The following PCDHA10 variants were observed in gnomAD, a reference collection of about 807,000 sequenced individuals.
The protein encoded by PCDHA10 is protocadherin alpha-10.
A neutral mutation model predicts 61.2 loss-of-function variants in PCDHA10; 45 were observed. The observed-to-expected ratio is 0.74, with a 90% CI of 0.58 to 0.94. The LOEUF (loss-of-function observed/expected upper bound fraction) is 0.94. Among genes scored for constraint, PCDHA10 ranks in the 40% least tolerant of loss-of-function variants. The pLI is 0.00. For synonymous variants in PCDHA10, 602 were observed against 548.8 expected (o/e 1.10, Z -1.35); for missense variants, 1,278 against 1,236.2 (o/e 1.03, Z -0.51).
chr5:140,939,171 T>C (rs2092330047), intron 1 of PCDHA10, among the ~76,000 whole-genome samples: 1 of 152,170 alleles, frequency 6.6e-6, no homozygotes. Flanking sequence ...TGTCTGGTAA[T>C]GGCCCACTCC....
At chr5:140,943,650 C>A (rs2093540673) in intron 1 of PCDHA10, among the ~76,000 whole-genome samples, 1 of 151,974 alleles carries the variant, frequency 6.6e-6, no homozygotes, top group African/African-American at 2.4e-5. Flanking sequence ...ATAAAACCAT[C>A]TATGAACAAT....
At chr5:140,994,939 C>T (rs1210134523) in intron 3 of PCDHA10, among the ~76,000 whole-genome samples, 5 of 152,160 alleles carry the variant, frequency 3.3e-5, no homozygotes, top group Non-Finnish European at 7.3e-5. Context: ...CTTAAACATC[C>T]TGCTAAATAA....
At chr5:140,977,925 A>G (rs782072280) in intron 1 of PCDHA10, among the ~76,000 whole-genome samples, 8 of 152,152 alleles carry the variant, frequency 5.3e-5, no homozygotes, top group Non-Finnish European at 1.0e-4. Flanking sequence ...TTTTCATTCA[A>G]CTATACCTCA....
chr5:140,909,493 G>A (rs989826667), intron 1 of PCDHA10, among the ~76,000 whole-genome samples: 2 of 152,184 alleles, frequency 1.3e-5, no homozygotes, highest in African/African-American at 4.8e-5. Context: ...AGAGCTGAAC[G>A]GGGATGTGGT....
chr5:140,966,515 G>A, intron 1 of PCDHA10: 1 of 436,996 alleles, frequency 2.3e-6, no homozygotes, highest in East Asian at 3.5e-5. Context: ...AGCAGCAGCA[G>A]GAAGCCGAGC....
intron 1 of PCDHA10, among the ~76,000 whole-genome samples, chr5:140,891,848 C>T (rs2063280221): frequency 6.6e-6 from 1 of 152,158 alleles, no homozygotes; most frequent in East Asian, 1.9e-4. Flanking sequence ...ATGGAAGGAG[C>T]CTGTCCCTCT....
intron 1 of PCDHA10, among the ~76,000 whole-genome samples, chr5:140,932,345 C>G (rs1332373274): frequency 6.6e-6 from 1 of 151,820 alleles, no homozygotes; most frequent in African/African-American, 2.4e-5. Context: ...AAACACTTAC[C>G]ATACAACTGG....
chr5:140,870,932 T>C (rs1428252254), intron 1 of PCDHA10: 1 of 1,613,824 alleles, frequency 6.2e-7, no homozygotes, highest in South Asian at 1.1e-5. Context: ...TCATATGAAT[T>C]GCAGCCGGCG....
chr5:140,892,250 T>G (rs781827855), intron 1 of PCDHA10, among the ~76,000 whole-genome samples: 2 of 152,182 alleles, frequency 1.3e-5, no homozygotes, highest in Non-Finnish European at 2.9e-5. Flanking sequence ...AACCTGGTTA[T>G]CTTTGATTTT....
At chr5:140,970,252 T>G (rs2096392828) in intron 1 of PCDHA10, among the ~76,000 whole-genome samples, 1 of 152,234 alleles carries the variant, frequency 6.6e-6, no homozygotes, top group South Asian at 2.1e-4. Flanking sequence ...GTTGACAGTT[T>G]CTATGGTTTT....
intron 1 of PCDHA10, among the ~76,000 whole-genome samples, chr5:140,899,434 A>G (rs1583342387): frequency 6.6e-6 from 1 of 152,206 alleles, no homozygotes; most frequent in East Asian, 1.9e-4. Flanking sequence ...TCTTTTCTGC[A>G]TCTATTGAGA....
rs1554149344 is a variant in PCDHA10, at chr5:140,856,961, G to C, written c.913G>C (p.Asp305His). 5.0e-6 allele frequency: 8 copies of C among 1,590,776 alleles called. 2 individuals carry two copies. The highest frequency in any genetic ancestry group is 3.4e-5 in the Admixed American group (2 of 59,226). ...AAGGACGGGAGAAATAAAAGTAAATGATGCTATTGACTTTGAGGACAGTAA... is the reference window on the plus strand; with the variant it reads ...AAGGACGGGAGAAATAAAAGTAAATCATGCTATTGACTTTGAGGACAGTAA... The part of the protein sequence containing the change: ...NERTGEIKVN[D>H]AIDFEDSNTY... Residue 305 changes from aspartate to histidine, a missense_variant, in exon 1 of 4, where the codon GAT becomes CAT. Physicochemically the swap from Asp to His is moderately conservative, Grantham distance 81. Transcript: ENST00000307360.
At chr5:140,956,719 T>C (rs2095305109) in intron 1 of PCDHA10, among the ~76,000 whole-genome samples, 1 of 152,216 alleles carries the variant, frequency 6.6e-6, no homozygotes, top group Non-Finnish European at 1.5e-5. Context: ...TCAGAAGAAT[T>C]GGTACCAGCT....
intron 1 of PCDHA10, among the ~76,000 whole-genome samples, chr5:140,957,103 A>G (rs1207553042): frequency 6.6e-6 from 1 of 152,168 alleles, no homozygotes; most frequent in Non-Finnish European, 1.5e-5. Flanking sequence ...ATTGCTATGG[A>G]CATGATTCTG....
At chr5:140,940,372 AGTT>A (rs2092600737) in intron 1 of PCDHA10, among the ~76,000 whole-genome samples, 1 of 151,970 alleles carries the variant, frequency 6.6e-6, no homozygotes, top group Non-Finnish European at 1.5e-5. Flanking sequence ...GTATTCCTTG[AGTT>A]GTTAATTTTG....
intron 1 of PCDHA10, among the ~76,000 whole-genome samples, chr5:140,952,645 G>A (rs1396823510): frequency 6.6e-6 from 1 of 152,082 alleles, no homozygotes; most frequent in Non-Finnish European, 1.5e-5. Context: ...ACCTGTGCCT[G>A]GTTACCCAGT....
At chr5:140,858,550 C>G (rs1554151768) in intron 1 of PCDHA10, 114 bp downstream of exon 1, 1 of 1,392,416 alleles carries the variant, frequency 7.2e-7, no homozygotes, top group Non-Finnish European at 9.9e-7. Context: ...TCCATTTATG[C>G]TTGAATATTT....
intron 1 of PCDHA10, among the ~76,000 whole-genome samples, chr5:140,942,493 C>T (rs1334279065): frequency 1.3e-5 from 2 of 151,366 alleles, no homozygotes; most frequent in Non-Finnish European, 2.9e-5. Context: ...GAAATAAATA[C>T]ATGGTATCTA....
intron 1 of PCDHA10, among the ~76,000 whole-genome samples, chr5:140,873,375 T>G (rs251375): frequency 0.44 from 67,180 of 152,024 alleles, 15,319 homozygotes; most frequent in South Asian, 0.58. Flanking sequence ...GAAGATCTTT[T>G]AAAGACTTGG....
Sources: gnomAD v4.1 joint callset for allele counts (sites outside exome capture counted in the v4.1 genomes callset) on GRCh38, gnomAD v4.1.1 for gene constraint, MANE v1.5 for transcripts, NCBI Gene and HGNC (gene_info 2026-07-23, HGNC 2026-07-21) for gene names.